CDYL: variants seen among roughly 807,000 people sequenced by gnomAD.
CDYL encodes chromodomain Y-like protein.
A neutral mutation model predicts 47.3 loss-of-function variants in CDYL; 8 were observed. That is an observed-to-expected ratio of 0.17 (90% CI 0.10 to 0.31). The LOEUF (loss-of-function observed/expected upper bound fraction) is 0.31. Ranked by LOEUF, CDYL falls within the 10% of genes least tolerant of loss-of-function variation. The pLI is 1.00. For missense variants in CDYL, 471 were observed against 701.4 expected (o/e 0.67, Z 3.71); for synonymous variants, 266 against 265.0 (o/e 1.00, Z -0.04).
chr6:4,848,358 G>A (rs958925414), intron 1 of CDYL, among the ~76,000 whole-genome samples: 4 of 152,100 alleles, frequency 2.6e-5, no homozygotes, highest in African/African-American at 4.8e-5. Context: ...GGAGAGTTTC[G>A]TAAAGACTTT....
At chr6:4,869,286 G>A (rs1356447522) in intron 1 of CDYL, among the ~76,000 whole-genome samples, 2 of 152,026 alleles carry the variant, frequency 1.3e-5, no homozygotes, top group African/African-American at 4.8e-5. Flanking sequence ...AGTAGAGATG[G>A]GGTTTCACTG....
chr6:4,775,659 C>T (rs1279412482), upstream of CDYL, among the ~76,000 whole-genome samples: 1 of 150,180 alleles, frequency 6.7e-6, no homozygotes, highest in African/African-American at 2.4e-5. This position sits in a 1 kb window ranked among gnomAD's most constrained non-coding sequence, Gnocchi z 7.0. Context: ...CGGCTCCCGC[C>T]CCCCGGATCC....
intron 1 of CDYL, among the ~76,000 whole-genome samples, chr6:4,864,942 A>T (rs1761276395): frequency 6.6e-6 from 1 of 152,246 alleles, no homozygotes; most frequent in South Asian, 2.1e-4. Flanking sequence ...AAAAAGCAAG[A>T]GTGTTAGAGT....
At chr6:4,914,667 A>G (rs1212889727) in intron 2 of CDYL, among the ~76,000 whole-genome samples, 1 of 152,190 alleles carries the variant, frequency 6.6e-6, no homozygotes, top group Admixed American at 6.5e-5. Context: ...CCTATTCTTC[A>G]TTCTGAGCTA....
intron 2 of CDYL, among the ~76,000 whole-genome samples, chr6:4,922,217 A>T (rs959404256): frequency 6.6e-6 from 1 of 152,060 alleles, no homozygotes; most frequent in Non-Finnish European, 1.5e-5. Context: ...GCCAGCAGTG[A>T]TGGGTCCACA....
intron 1 of CDYL, among the ~76,000 whole-genome samples, chr6:4,881,140 A>G (rs937938785): frequency 3.3e-5 from 5 of 152,106 alleles, no homozygotes; most frequent in African/African-American, 1.2e-4. Flanking sequence ...TAAGTGGAGC[A>G]CTCAGTCCAC....
chr6:4,911,274 G>A (rs533644549), intron 2 of CDYL, among the ~76,000 whole-genome samples: 3 of 152,348 alleles, frequency 2.0e-5, no homozygotes, highest in East Asian at 1.9e-4. Context: ...TATGCATGCC[G>A]TGGCATTGGT....
intron 1 of CDYL, among the ~76,000 whole-genome samples, chr6:4,835,908 C>T (rs545383827): frequency 1.6e-3 from 249 of 151,160 alleles, no homozygotes; most frequent in African/African-American, 5.1e-3. Flanking sequence ...TCTCCTGGTG[C>T]GCCATTTTTT....
At chr6:4,787,919 G>C (rs1359325562) in intron 1 of CDYL, among the ~76,000 whole-genome samples, 1 of 151,858 alleles carries the variant, frequency 6.6e-6, no homozygotes, top group East Asian at 2.0e-4. Context: ...CTACAGGTGT[G>C]CGCCACCACG....
At chr6:4,933,827 G>A (rs567802375) in intron 2 of CDYL, among the ~76,000 whole-genome samples, 1 of 152,306 alleles carries the variant, frequency 6.6e-6, no homozygotes, top group African/African-American at 2.4e-5. Context: ...TCAGGATTAT[G>A]TGTCACTGTG....
intron 2 of CDYL, among the ~76,000 whole-genome samples, chr6:4,731,595 G>A (rs910744002): frequency 6.6e-6 from 1 of 152,022 alleles, no homozygotes; most frequent in Non-Finnish European, 1.5e-5. Flanking sequence ...TCAGGAGTTC[G>A]AGACCAGCGC....
chr6:4,794,174 C>T (rs190632469), intron 1 of CDYL, among the ~76,000 whole-genome samples: 7 of 151,894 alleles, frequency 4.6e-5, no homozygotes, highest in South Asian at 4.2e-4. Flanking sequence ...GCACTGTAGC[C>T]GTCATCACAT....
upstream of CDYL, chr6:4,772,922 T>C (rs1488146649): frequency 2.8e-6 from 1 of 354,262 alleles, no homozygotes; most frequent in Non-Finnish European, 5.5e-6. Context: ...TCCCCTTGGA[T>C]GCCTTTGGAT....
At chr6:4,936,660 G>T (rs770391967) in intron 3 of CDYL, among the ~76,000 whole-genome samples, 3 of 152,108 alleles carry the variant, frequency 2.0e-5, no homozygotes, top group Non-Finnish European at 4.4e-5. Context: ...ACGCACTTAC[G>T]CACCAAACTA....
At chr6:4,734,880 T>A in intron 3 of CDYL, 1 of 1,612,452 alleles carries the variant, frequency 6.2e-7, no homozygotes, top group Non-Finnish European at 8.5e-7. Context: ...AAGCTTGGAG[T>A]CCATCTGGCA....
chr6:4,750,690 G>C (rs1757973636), intron 3 of CDYL, among the ~76,000 whole-genome samples: 1 of 152,046 alleles, frequency 6.6e-6, no homozygotes, highest in East Asian at 1.9e-4. Flanking sequence ...TGAAAAGTGT[G>C]TATGAATGAC....
intron 5 of CDYL, among the ~76,000 whole-genome samples, chr6:4,948,746 C>CGT (rs913688552): frequency 1.5e-4 from 23 of 152,318 alleles, no homozygotes; most frequent in Admixed American, 1.5e-3. Flanking sequence ...GGGAGAAACC[C>CGT]TGCTCTAACT....
intron 5 of CDYL, among the ~76,000 whole-genome samples, chr6:4,950,011 G>A (rs1456124230): frequency 1.3e-5 from 2 of 152,192 alleles, no homozygotes; most frequent in East Asian, 3.9e-4. Context: ...AGCAGGCCTG[G>A]AGCCGGCGGG....
At chr6:4,949,576 A>G (rs1394325536) in intron 5 of CDYL, among the ~76,000 whole-genome samples, 4 of 152,172 alleles carry the variant, frequency 2.6e-5, no homozygotes, top group African/African-American at 4.8e-5. Flanking sequence ...TGACCACATC[A>G]TGGGGTGATG....
Sources: gnomAD v4.1 joint callset for allele counts (sites outside exome capture counted in the v4.1 genomes callset) on GRCh38, gnomAD v4.1.1 for gene constraint, Gnocchi (gnomAD v3.1) non-coding constraint, MANE v1.5 for transcripts, NCBI Gene and HGNC (gene_info 2026-07-23, HGNC 2026-07-21) for gene names.